Variants in TRIP12 observed in about 807,000 individuals in gnomAD.
TRIP12 encodes the protein E3 ubiquitin-protein ligase TRIP12.
A neutral mutation model predicts 244.2 loss-of-function variants in TRIP12; 25 were observed. The observed-to-expected ratio is 0.10, with a 90% CI of 0.07 to 0.14. TRIP12 has a LOEUF of 0.14. Ranked by LOEUF, TRIP12 falls within the 10% of genes least tolerant of loss-of-function variation. The pLI is 1.00. For synonymous variants in TRIP12, 905 were observed against 873.1 expected (o/e 1.04, Z -0.64); for missense variants, 1,677 against 2,486.4 (o/e 0.67, Z 6.92).
chr2:229,788,656 C>A, intron 32 of TRIP12, 142 bp downstream of exon 32: 1 of 1,129,214 alleles, frequency 8.9e-7, no homozygotes, highest in Non-Finnish European at 1.3e-6. Flanking sequence ...CATGCTAAAG[C>A]CACACAATTA....
chr2:229,795,505 C>T (rs1257940188), intron 25 of TRIP12, among the ~76,000 whole-genome samples, 175 bp from the exon 26 acceptor site: 1 of 152,136 alleles, frequency 6.6e-6, no homozygotes, highest in African/African-American at 2.4e-5. Flanking sequence ...TCAATAAAGA[C>T]AACTGTTTTG....
chr2:229,885,444 T>C (rs2065812603), intron 1 of TRIP12, among the ~76,000 whole-genome samples: 2 of 152,160 alleles, frequency 1.3e-5, no homozygotes, highest in African/African-American at 2.4e-5. Context: ...ACAAAATTAG[T>C]ACCCTGCATG....
chr2:229,833,838 A>C (rs1234030533), intron 6 of TRIP12, among the ~76,000 whole-genome samples: 1 of 152,192 alleles, frequency 6.6e-6, no homozygotes, highest in Non-Finnish European at 1.5e-5. Flanking sequence ...AAAACAAAAA[A>C]AAAACAAAAA....
In TRIP12 at chr2:229,853,845, T is replaced by TTA; in HGVS notation, c.1027+4925_1027+4926dup. Among the ~76,000 whole-genome samples, 2 of 152,240 alleles carry TTA rather than the reference T, an allele frequency of 1.3e-5. 1 individual carries two copies. The highest frequency in any genetic ancestry group is 4.1e-4 in the South Asian group (2 of 4,824). ...GAATCTTATTATTTTGCAAATAAGA[T>TTA]TAGTAATAGGGTTGGTATCATAACT... On this transcript the variant is annotated intron_variant, in intron 4 of 41. Coordinates refer to ENST00000675903, the MANE Select transcript of TRIP12 (RefSeq NM_001348323.3).
At position 229,792,145 on chromosome 2, in the gene TRIP12, T is replaced by C. The variant is rs1304486029; in HGVS notation, c.4215+8A>G. ...TACATTATACATGGTGGGAATATAG[T>C]ACCTTACCAGAGACTCATCTATTTC... On this transcript the variant is annotated splice_region_variant and intron_variant, in intron 28 of 41. Coordinates refer to ENST00000675903, the MANE Select transcript of TRIP12 (RefSeq NM_001348323.3). The C allele has an allele frequency of 1.2e-6, 2 of 1,614,054 alleles. No homozygotes were observed. Among genetic ancestry groups the C allele is most frequent in the South Asian group, 1.1e-5 (1 of 91,074 alleles).
intron 28 of TRIP12, 40 bp downstream of exon 28, chr2:229,792,113 T>C: frequency 6.2e-7 from 1 of 1,613,990 alleles, no homozygotes; most frequent in Non-Finnish European, 8.5e-7. Flanking sequence ...CCCTGAACTT[T>C]ATATAGTACA....
In TRIP12 at chr2:229,840,898, C is replaced by T. The variant is rs1258019523; in HGVS notation, c.1057G>A (p.Glu353Lys). 1 of 1,606,904 alleles carries T rather than the reference C, an allele frequency of 6.2e-7. No individual in the cohort carries two copies. Among genetic ancestry groups the T allele is most frequent in the Admixed American group, 1.7e-5 (1 of 57,874 alleles). The change falls in exon 5 of 42, where the codon GAG becomes AAG. Residue 353 changes from glutamate (E) to lysine (K), a missense_variant. Around this residue, in one of 11 missense-constraint regions of TRIP12, gnomAD observed 143 missense variants for 215.6 expected, o/e 0.66. Coordinates refer to ENST00000675903, the MANE Select transcript of TRIP12 (RefSeq NM_001348323.3). ...CTGGGGAGCTCAGCAGGTGGAGACTCACTGCGTTTCTTCGTAGATTTTCTT... is the reference window on the plus strand; with the variant it reads ...CTGGGGAGCTCAGCAGGTGGAGACTTACTGCGTTTCTTCGTAGATTTTCTT... Reference protein sequence around the residue: ...SLRKSTKKRSESPPAELPSLR... With the variant: ...SLRKSTKKRSKSPPAELPSLR...
chr2:229,785,310 T>G (rs2039663744), intron 34 of TRIP12, among the ~76,000 whole-genome samples: 1 of 152,204 alleles, frequency 6.6e-6, no homozygotes, highest in Non-Finnish European at 1.5e-5. Flanking sequence ...ATGACTGATT[T>G]TGCAAAGTGA....
In TRIP12 at chr2:229,875,829, G is replaced by C. The variant is rs186024242; in HGVS notation, c.98+4153C>G. Among the ~76,000 whole-genome samples the C allele has an allele frequency of 1.1e-3, 165 of 152,264 alleles. 1 individual carries two copies. The highest frequency in any genetic ancestry group is 3.1e-3 in the South Asian group (15 of 4,826). On this transcript the variant is annotated intron_variant, in intron 2 of 41. Coordinates refer to ENST00000675903, the MANE Select transcript of TRIP12 (RefSeq NM_001348323.3). ...GGCTACAATGACAGCATTTTACTTA[G>C]GAAGGCTAAACGAGTCACATGAAGA...
chr2:229,871,362 T>C lies in TRIP12; in HGVS notation c.98+8620A>G, dbSNP rs2062568980. Among the ~76,000 whole-genome samples, 4 of 152,246 alleles carry C rather than the reference T, an allele frequency of 2.6e-5. No individual in the cohort carries two copies. The South Asian group carries it at 6.2e-4, about 24-fold the overall frequency. On this transcript the variant is annotated intron_variant, in intron 2 of 41. Transcript: ENST00000675903. ...ATGTTTGTCCCATCCAAATCTCATG[T>C]TGAAATGTTGGAGATGGGGCCTGGT...
chr2:229,903,887 TA>T (rs2071844556), intron 1 of TRIP12, among the ~76,000 whole-genome samples: 1 of 147,952 alleles, frequency 6.8e-6, no homozygotes, highest in South Asian at 2.1e-4. Context: ...AAAAAAAAAT[TA>T]GCCAGGCATC....
chr2:229,829,216 T>C lies in TRIP12; in HGVS notation c.1427A>G (p.His476Arg). The stretch of plus-strand genomic sequence containing the variant: ...ACTAGCTCCACTTCCAATTGTTCTA[T>C]GGAAAAGCTGTGACATCCGAGGACC... ...PLGPRMSQLF[H>R]RTIGSGASSK... Residue 476 changes from histidine (H) to arginine (R), a missense_variant, in exon 8 of 42, where the codon CAT becomes CGT. Physicochemically the swap from His to Arg is conservative, Grantham distance 29 (BLOSUM62 0). This residue lies in a region of TRIP12 where 143 missense variants were observed against 215.6 expected (regional missense o/e 0.66). Transcript: ENST00000675903. 1 of 1,613,974 alleles carries C rather than the reference T, an allele frequency of 6.2e-7. No homozygotes were observed. The highest frequency in any genetic ancestry group is 8.5e-7 in the Non-Finnish European group (1 of 1,179,960).
chr2:229,891,120 A>G (rs2067244951), intron 1 of TRIP12, among the ~76,000 whole-genome samples: 3 of 152,072 alleles, frequency 2.0e-5, no homozygotes, highest in African/African-American at 7.2e-5. Context: ...TCTCTACAAA[A>G]TATTTAAAAA....
At chr2:229,879,954 C>T (rs1414989495) in intron 2 of TRIP12, 28 bp downstream of exon 2, 2 of 1,611,016 alleles carry the variant, frequency 1.2e-6, no homozygotes. Context: ...ATTCCCAATT[C>T]CTTTTCAAAT....
intron 1 of TRIP12, among the ~76,000 whole-genome samples, chr2:229,919,615 A>C (rs2076127004): frequency 6.6e-6 from 1 of 150,702 alleles, no homozygotes; most frequent in Non-Finnish European, 1.5e-5. Flanking sequence ...AAGTAAATGA[A>C]AAAAAAAAAG....
chr2:229,876,712 T>C (rs951718225), intron 2 of TRIP12, among the ~76,000 whole-genome samples: 1 of 152,214 alleles, frequency 6.6e-6, no homozygotes, highest in African/African-American at 2.4e-5. Flanking sequence ...CAGGCTGGAA[T>C]GCACTGGCGT....
At chr2:229,892,349 A>T (rs1459859885) in intron 1 of TRIP12, among the ~76,000 whole-genome samples, 1 of 152,188 alleles carries the variant, frequency 6.6e-6, no homozygotes. Flanking sequence ...TGTGTAGGAA[A>T]AAAGTCTGCA....
At position 229,885,636 on chromosome 2, in the gene TRIP12, A is replaced by G. The variant is rs574858515; in HGVS notation, c.-49-5508T>C. The stretch of plus-strand genomic sequence containing the variant: ...AAAATAGAAATCACCCTTGTGTATA[A>G]AAGAAGTCATTCTTGCCTACCTAAA... On this transcript the variant is annotated intron_variant, in intron 1 of 41. Transcript: ENST00000675903. Among the ~76,000 whole-genome samples the G allele has an allele frequency of 4.6e-5, 7 of 152,342 alleles. No individual in the cohort carries two copies. In the East Asian group the frequency reaches 1.3e-3, roughly 29 times the overall value.
At chr2:229,804,686 G>A (rs2154271189) in intron 18 of TRIP12, among the ~76,000 whole-genome samples, 1 of 152,266 alleles carries the variant, frequency 6.6e-6, no homozygotes. Flanking sequence ...CTGATAAGCA[G>A]TAAGTTATAT....
Sources: gnomAD v4.1 joint callset for allele counts (sites outside exome capture counted in the v4.1 genomes callset) on GRCh38, gnomAD v4.1.1 for gene constraint, gnomAD v4.1.1 regional missense constraint, MANE v1.5 for transcripts, NCBI Gene and HGNC (gene_info 2026-07-23, HGNC 2026-07-21) for gene names.